Variants in MUC5B observed in about 807,000 individuals in gnomAD.
The protein encoded by MUC5B is mucin-5B.
A neutral mutation model predicts 376.9 loss-of-function variants in MUC5B; 116 were observed. The ratio of observed to expected loss-of-function variants is 0.31; its 90% CI spans 0.26 to 0.36. The LOEUF is 0.36. Ranked by LOEUF, MUC5B falls within the 10% of genes least tolerant of loss-of-function variation. The pLI is 1.00. For synonymous variants in MUC5B, 3,517 were observed against 3,390.9 expected (o/e 1.04, Z -1.29); for missense variants, 7,165 against 7,769.9 (o/e 0.92, Z 2.93).
At chr11:1,232,912 C>A in intron 17 of MUC5B, 101 bp from the exon 18 acceptor site, 1 of 1,465,336 alleles carries the variant, frequency 6.8e-7, no homozygotes, top group Non-Finnish European at 9.0e-7. Context: ...ACCTCATGCC[C>A]TTGCGATCCC....
rs1467979948 is a variant in MUC5B at position 1,249,593 on chromosome 11, C to A, written c.12713C>A (p.Ala4238Asp). 1.2e-6 allele frequency: 2 copies of A among 1,612,026 alleles called. No homozygotes were observed. The highest frequency in any genetic ancestry group is 1.7e-6 in the Non-Finnish European group (2 of 1,178,814). ...CPSTPATSST[A>D]MPSSTPGTTW... is the part of the protein sequence containing the mutation. ...AGCACCCCGGCCACCAGCTCTACGG[C>A]CATGCCCTCCTCCACTCCGGGGACG... The change falls in exon 31 of 49, where the codon GCC (alanine) becomes GAC (aspartate). Residue 4238 changes from alanine to aspartate, a missense_variant. Physicochemically the swap from Ala to Asp is moderately radical, Grantham distance 126. Coordinates refer to ENST00000529681, the MANE Select transcript of MUC5B (RefSeq NM_002458.3).
intron 44 of MUC5B, among the ~76,000 whole-genome samples, chr11:1,259,363 G>A (rs1040628642): frequency 3.3e-5 from 5 of 152,208 alleles, no homozygotes; most frequent in South Asian, 2.1e-4. Flanking sequence ...TGAGCCCACA[G>A]CTGCTGGGCA....
At position 1,255,434 on chromosome 11, in the gene MUC5B, C is replaced by G. The variant is rs921692562; in HGVS notation, c.15942C>G (p.Ala5314=). The change falls in exon 37 of 49, where the codon GCC becomes GCG. Residue 5314 remains alanine (A), a synonymous_variant. Coordinates refer to ENST00000529681, the MANE Select transcript of MUC5B (RefSeq NM_002458.3). ...TGCCCCCGGGCCCATTCTTCAACGC[C>G]TGCATCAGCGACCACTGCAGGGGCC... ...NLVPPGPFFN[A]CISDHCRGRL... is the part of the protein sequence containing the mutation. 1.9e-6 allele frequency: 3 copies of G among 1,604,986 alleles called. No homozygotes were observed. In the African/African-American group the frequency reaches 4.0e-5, roughly 21 times the overall value.
Position 1,262,164 on chromosome 11 carries a change from C to A in MUC5B, c.*556C>A. 2.1e-6 allele frequency: 1 copy of A among 481,790 alleles called. No homozygotes were observed. The highest frequency in any genetic ancestry group is 1.5e-5 in the South Asian group (1 of 65,366). The allele number at this position is 481,790 out of a possible 1,614,324, so 29.8% of individuals were successfully genotyped here. A position where few individuals can be genotyped will look rare whatever the true frequency, so the allele number is the denominator to read the frequency against. On this transcript the variant is annotated 3_prime_UTR_variant, in exon 49 of 49. Transcript: ENST00000529681. Reference sequence around the variant, plus strand: ...CCCAGTTTTGCAAATAAACCCTGAGCATTGAGTACGTTTCCTGTCCTGACG... The same window carrying A: ...CCCAGTTTTGCAAATAAACCCTGAGAATTGAGTACGTTTCCTGTCCTGACG...
chr11:1,232,991 C>T (rs773665957), intron 17 of MUC5B, 22 bp from the exon 18 acceptor site: 48 of 1,558,536 alleles, frequency 3.1e-5, no homozygotes, highest in Non-Finnish European at 4.1e-5. Context: ...TGACCTGTCC[C>T]CCCTGGCCCC....
Position 1,253,224 on chromosome 11 carries a change from A to G in MUC5B, c.15217+244A>G, listed in dbSNP as rs1255968230. Among the ~76,000 whole-genome samples the G allele has an allele frequency of 6.6e-6, 1 of 152,082 alleles. No homozygotes were observed. Among genetic ancestry groups the G allele is most frequent in the Admixed American group, 6.5e-5 (1 of 15,270 alleles). On this transcript the variant is annotated intron_variant, in intron 33 of 48. Coordinates refer to ENST00000529681, the MANE Select transcript of MUC5B (RefSeq NM_002458.3). The surrounding 1 kb of genome is among the most constrained non-coding windows in gnomAD (Gnocchi z 4.3). ...CATGCACCATGCTGTCTTGGGCCTC[A>G]GTGGTGCACGTCGTGAGAGCTGTTA...
chr11:1,226,930 C>T (rs1364889708), intron 4 of MUC5B, 54 bp downstream of exon 4: 1 of 1,588,688 alleles, frequency 6.3e-7, no homozygotes, highest in African/African-American at 1.3e-5. Flanking sequence ...GTGTGACCTC[C>T]CCACACGGCC....
rs748592127 is a variant in MUC5B at position 1,250,975 on chromosome 11, A to T, written c.14095A>T (p.Thr4699Ser). The change falls in exon 31 of 49, where the codon ACT (threonine) becomes TCT (serine). Residue 4699 changes from threonine (T) to serine (S), a missense_variant. Thr to Ser is a moderately conservative substitution (Grantham distance 58). Transcript: ENST00000529681. The stretch of plus-strand genomic sequence containing the variant: ...CGGCTCCACCACCAACCCCTCCTCA[A>T]CTCCAGGGACAACACCCATCACCCC... ...ATGSTTNPSS[T>S]PGTTPITPVL... The T allele has an allele frequency of 6.2e-7, 1 of 1,609,026 alleles. No individual in the cohort carries two copies. The highest frequency in any genetic ancestry group is 8.5e-7 in the Non-Finnish European group (1 of 1,177,874).
intron 23 of MUC5B, among the ~76,000 whole-genome samples, chr11:1,235,740 TTC>T (rs1862142476): frequency 6.6e-6 from 1 of 152,050 alleles, no homozygotes; most frequent in African/African-American, 2.4e-5. Context: ...TGCGTCTGTC[TTC>T]TCTCTGTTTT....
At chr11:1,227,549 C>A (rs1018016006) in intron 6 of MUC5B, 126 bp from the exon 7 acceptor site, 8 of 685,518 alleles carry the variant, frequency 1.2e-5, no homozygotes, top group Non-Finnish European at 1.9e-5. Flanking sequence ...GGGAGGAGTG[C>A]CCCTCGGGGG....
chr11:1,227,912 CCT>C, intron 7 of MUC5B, 131 bp downstream of exon 7: 1 of 610,694 alleles, frequency 1.6e-6, no homozygotes, highest in South Asian at 1.9e-5. Context: ...GGGCAGCCAC[CCT>C]CTGTGTGCTC....
Position 1,240,329 on chromosome 11 carries a change from A to G in MUC5B, c.3924A>G (p.Thr1308=), listed in dbSNP as rs745880475. 6.2e-7 allele frequency: 1 copy of G among 1,610,976 alleles called. No individual in the cohort carries two copies. The highest frequency in any genetic ancestry group is 1.1e-5 in the South Asian group (1 of 90,876). ...KAVACPGTPA[T]TPFTFTTAWV... ...TGGCATGTCCTGGAACTCCAGCCACAACGCCATTCACCTTCACCACCGCCT... is the reference window on the plus strand; with the variant it reads ...TGGCATGTCCTGGAACTCCAGCCACGACGCCATTCACCTTCACCACCGCCT... Residue 1308 remains threonine, a synonymous_variant, in exon 30 of 49, where the codon ACA becomes ACG. Coordinates refer to ENST00000529681, the MANE Select transcript of MUC5B (RefSeq NM_002458.3).
intron 11 of MUC5B, 99 bp from the exon 12 acceptor site, chr11:1,230,391 C>A: frequency 2.4e-6 from 3 of 1,252,762 alleles, no homozygotes; most frequent in Non-Finnish European, 3.3e-6. Context: ...CACCTCCCCA[C>A]AGAGCCACAT....
At chr11:1,261,229 C>T (rs1564955425) in intron 48 of MUC5B, among the ~76,000 whole-genome samples, 160 bp from the exon 49 acceptor site, 1 of 152,204 alleles carries the variant, frequency 6.6e-6, no homozygotes, top group Non-Finnish European at 1.5e-5. Context: ...GCTGCCCCAT[C>T]CTGAGAAGGT....
At position 1,240,036 on chromosome 11, in the gene MUC5B, C is replaced by A. The variant is rs541165321; in HGVS notation, c.3729-9C>A. The A allele has an allele frequency of 4.4e-6, 7 of 1,584,638 alleles. No homozygotes were observed. Among genetic ancestry groups the A allele is most frequent in the East Asian group, 2.2e-5 (1 of 44,644 alleles). ...CCAGGCCCTCAGCTCGCCTCTCCCC[C>A]ACCCCTAGTAACTGCACACCCAGTG... On this transcript the variant is annotated splice_polypyrimidine_tract_variant and intron_variant, in intron 28 of 48. Transcript: ENST00000529681.
In MUC5B at chr11:1,248,493, G is replaced by A. The variant is rs757874900; in HGVS notation, c.11613G>A (p.Thr3871=). Residue 3871 remains threonine (T), a synonymous_variant, in exon 31 of 49, where the codon ACG becomes ACA. Coordinates refer to ENST00000529681, the MANE Select transcript of MUC5B (RefSeq NM_002458.3). Reference sequence around the variant, plus strand: ...CCAAAGTGCCGACTACCACAACCACGGGCTTCACAGTCACCCCCTCCTCCA... The same window carrying A: ...CCAAAGTGCCGACTACCACAACCACAGGCTTCACAGTCACCCCCTCCTCCA... ...HTTKVPTTTT[T]GFTVTPSSSP... is the part of the protein sequence containing the mutation. The A allele has an allele frequency of 1.7e-5, 28 of 1,610,528 alleles. No homozygotes were observed. Among genetic ancestry groups the A allele is most frequent in the South Asian group, 1.4e-4 (13 of 90,964 alleles).
Position 1,254,275 on chromosome 11 carries a change from G to A in MUC5B, c.15401G>A (p.Arg5134His), listed in dbSNP as rs756824603. Residue 5134 changes from arginine to histidine, a missense_variant, in exon 34 of 49, where the codon CGC (arginine) becomes CAC (histidine). By Grantham distance (29) the Arg-to-His change is conservative (BLOSUM62 0). Around this residue, in one of 31 missense-constraint regions of MUC5B, gnomAD observed 842 missense variants for 1,016.9 expected, o/e 0.83. Coordinates refer to ENST00000529681, the MANE Select transcript of MUC5B (RefSeq NM_002458.3). Reference sequence around the variant, plus strand: ...ACTGCCGCTGCCGCCCGCTGCCCCCGCGCCCTCAGCATCCACTACAAGTCC... The same window carrying A: ...ACTGCCGCTGCCGCCCGCTGCCCCCACGCCCTCAGCATCCACTACAAGTCC... ...SATAAAARCP[R>H]ALSIHYKSMD... The A allele has an allele frequency of 5.2e-5, 83 of 1,611,348 alleles. No individual in the cohort carries two copies. The highest frequency in any genetic ancestry group is 1.0e-4 in the Admixed American group (6 of 60,008).
At position 1,234,165 on chromosome 11, in the gene MUC5B, G is replaced by T; in HGVS notation, c.2378-40G>T. The T allele has an allele frequency of 6.6e-7, 1 of 1,509,438 alleles. No homozygotes were observed. The highest frequency in any genetic ancestry group is 9.0e-7 in the Non-Finnish European group (1 of 1,105,640). The allele number at this position is 1,509,438 out of a possible 1,614,324, so 93.5% of individuals were successfully genotyped here. On this transcript the variant is annotated intron_variant, in intron 19 of 48. Coordinates refer to ENST00000529681, the MANE Select transcript of MUC5B (RefSeq NM_002458.3). The surrounding 1 kb of genome is among the most constrained non-coding windows in gnomAD (Gnocchi z 6.3). The stretch of plus-strand genomic sequence containing the variant: ...CTGGGGTCAGTTGAGGGCCGTGGCT[G>T]CCCTTCCCCAGGACCCCTCCCACCA...
intron 48 of MUC5B, 118 bp downstream of exon 48, chr11:1,260,846 A>G (rs1353433888): frequency 1.4e-6 from 1 of 733,166 alleles, no homozygotes; most frequent in African/African-American, 1.7e-5. Context: ...TCCAGGAAGG[A>G]GGGAAGGGGC....
Sources: gnomAD v4.1 joint callset for allele counts (sites outside exome capture counted in the v4.1 genomes callset) on GRCh38, gnomAD v4.1.1 for gene constraint, gnomAD v4.1.1 regional missense constraint, Gnocchi (gnomAD v3.1) non-coding constraint, MANE v1.5 for transcripts, NCBI Gene and HGNC (gene_info 2026-07-23, HGNC 2026-07-21) for gene names.